The following COPS3 variants were observed in gnomAD, a reference collection of about 807,000 sequenced individuals.
The protein encoded by COPS3 is COP9 signalosome subunit 3.
In COPS3, 10 loss-of-function variants were observed where a neutral mutation model predicts 58.2. The observed-to-expected ratio is 0.17, with a 90% CI of 0.11 to 0.29. The LOEUF (loss-of-function observed/expected upper bound fraction) is 0.29, where lower values mean the gene tolerates loss of function less well. Among genes scored for constraint, COPS3 ranks in the 10% least tolerant of loss-of-function variants. The pLI, the probability that COPS3 is intolerant of heterozygous loss-of-function variation, is 1.00. For synonymous variants in COPS3, 187 were observed against 181.7 expected (o/e 1.03, Z -0.24); for missense variants, 333 against 510.1 (o/e 0.65, Z 3.34).
At chr17:17,255,889 G>C (rs1812275415) in intron 8 of COPS3, among the ~76,000 whole-genome samples, 1 of 105,236 alleles carries the variant, frequency 9.5e-6, no homozygotes. Flanking sequence ...TAACTGATAG[G>C]CTGGGCACGG....
chr17:17,281,192 C>A lies in COPS3; in HGVS notation c.-6G>T, dbSNP rs756425851. 3 of 1,609,432 alleles carry A rather than the reference C, an allele frequency of 1.9e-6. No individual in the cohort carries two copies. Among genetic ancestry groups the A allele is most frequent in the East Asian group, 2.2e-5 (1 of 44,774 alleles). Reference sequence around the variant, plus strand: ...TGCTCCAGGGCAGACGCCATGTTTTCCCCCGGGCGGCCCGAGCGGCGAAGG... The same window carrying A: ...TGCTCCAGGGCAGACGCCATGTTTTACCCCGGGCGGCCCGAGCGGCGAAGG... On this transcript the variant is annotated 5_prime_UTR_variant, in exon 1 of 12. Coordinates refer to ENST00000268717, the MANE Select transcript of COPS3 (RefSeq NM_003653.4).
intron 10 of COPS3, among the ~76,000 whole-genome samples, chr17:17,248,398 C>T (rs1020478562): frequency 5.9e-5 from 9 of 152,190 alleles, no homozygotes; most frequent in African/African-American, 2.2e-4. Flanking sequence ...ACTGTAACAT[C>T]TGCCTCCCAG....
chr17:17,274,426 CTT>C (rs71152859), intron 2 of COPS3, among the ~76,000 whole-genome samples: 12 of 141,456 alleles, frequency 8.5e-5, no homozygotes, highest in Admixed American at 1.4e-4. Flanking sequence ...ATTAGCTTTT[CTT>C]TTTTTTTTTT....
intron 2 of COPS3, among the ~76,000 whole-genome samples, chr17:17,272,234 C>G (rs180791948): frequency 3.0e-3 from 452 of 152,134 alleles, no homozygotes; most frequent in Admixed American, 8.4e-3. Flanking sequence ...ACCAGCCTGA[C>G]CAATCGGGTG....
intron 9 of COPS3, among the ~76,000 whole-genome samples, chr17:17,251,439 C>T (rs764914212): frequency 3.3e-5 from 5 of 151,888 alleles, no homozygotes; most frequent in Non-Finnish European, 5.9e-5. Context: ...GGATTACAGG[C>T]GCCCGCCATC....
chr17:17,262,408 T>A (rs1361486376), intron 6 of COPS3, among the ~76,000 whole-genome samples: 1 of 151,712 alleles, frequency 6.6e-6, no homozygotes, highest in East Asian at 1.9e-4. Flanking sequence ...ACTATAGGAG[T>A]GGGCCACCAT....
At chr17:17,278,366 A>G (rs962418576) in intron 1 of COPS3, among the ~76,000 whole-genome samples, 1 of 152,242 alleles carries the variant, frequency 6.6e-6, no homozygotes, top group African/African-American at 2.4e-5. Context: ...ACAACATAGT[A>G]TAATGCTTAA....
In COPS3 at chr17:17,277,567, G is replaced by A. The variant is rs542894913; in HGVS notation, c.56-1403C>T. On this transcript the variant is annotated intron_variant, in intron 1 of 11. Coordinates refer to ENST00000268717, the MANE Select transcript of COPS3 (RefSeq NM_003653.4). Reference sequence around the variant, plus strand: ...CGAGTAGCTGGAACTACAGGTGTACGTCACCATGCCCATCTTATTTTTTAA... The same window carrying A: ...CGAGTAGCTGGAACTACAGGTGTACATCACCATGCCCATCTTATTTTTTAA... Among the ~76,000 whole-genome samples, 169 of 152,130 alleles carry A rather than the reference G, an allele frequency of 1.1e-3. 1 individual carries two copies. In the Middle Eastern group the frequency reaches 0.014, roughly 12 times the overall value.
In COPS3 at chr17:17,262,074, A is replaced by G. The variant is rs751020203; in HGVS notation, c.654T>C (p.His218=). The G allele has an allele frequency of 4.0e-5, 65 of 1,611,356 alleles. No individual in the cohort carries two copies. The highest frequency in any genetic ancestry group is 1.7e-4 in the Middle Eastern group (1 of 6,058). ...ACTTTTTATATGATTCCAACATGAT[A>G]TGACTGACCGCCATGGCAGGAGTAG... ...AITTPAMAVS[H]IMLESYKKYI... Residue 218 remains histidine, a synonymous_variant, in exon 7 of 12, where the codon CAT becomes CAC. Transcript: ENST00000268717.
At chr17:17,271,912 A>G (rs1001108506) in intron 2 of COPS3, among the ~76,000 whole-genome samples, 4 of 113,936 alleles carry the variant, frequency 3.5e-5, no homozygotes, top group Non-Finnish European at 5.1e-5. Flanking sequence ...AAACATGTAT[A>G]TATTAAACAT....
intron 2 of COPS3, among the ~76,000 whole-genome samples, chr17:17,274,751 G>A (rs539241903): frequency 4.4e-4 from 66 of 148,552 alleles, no homozygotes; most frequent in South Asian, 3.6e-3. Flanking sequence ...CATTTCAATC[G>A]TGCTTTTTTT....
chr17:17,256,196 T>A (rs2047972462), intron 8 of COPS3, among the ~76,000 whole-genome samples: 2 of 151,546 alleles, frequency 1.3e-5, no homozygotes, highest in South Asian at 4.2e-4. Flanking sequence ...AATAAAAAAA[T>A]AAAAACTGAT....
chr17:17,255,056 C>T, intron 8 of COPS3, 111 bp from the exon 9 acceptor site: 1 of 665,434 alleles, frequency 1.5e-6, no homozygotes, highest in African/African-American at 1.9e-5. Flanking sequence ...AATCCCAGCA[C>T]TTTGGGAGGC....
Position 17,260,258 on chromosome 17 carries a change from CA to C in COPS3, c.936+42del, listed in dbSNP as rs767503113. ...GGGAGAGAAAGGGAAACATGGCCCC[CA>C]GGGGGTCAGGAGCTGCCCTGTGAAG... On this transcript the variant is annotated intron_variant, in intron 8 of 11. Transcript: ENST00000268717. The C allele has an allele frequency of 3.3e-5, 53 of 1,592,564 alleles. No individual in the cohort carries two copies. In the African/African-American group the frequency reaches 6.2e-4, roughly 19 times the overall value.
rs1269467800 is a variant in COPS3 at position 17,246,883 on chromosome 17, A to G, written c.*215T>C. On this transcript the variant is annotated 3_prime_UTR_variant, in exon 12 of 12. Transcript: ENST00000268717. ...TGCAGTAACAATAATCTGAGGATAA[A>G]TAAATCCACGACAGACTTTAAAGTT... 4 of 568,304 alleles carry G rather than the reference A, an allele frequency of 7.0e-6. No homozygotes were observed. The highest frequency in any genetic ancestry group is 1.3e-5 in the Non-Finnish European group (4 of 316,738). The allele number at this position is 568,304 out of a possible 1,614,324, so 35.2% of individuals were successfully genotyped here.
intron 9 of COPS3, among the ~76,000 whole-genome samples, chr17:17,252,831 C>G (rs1433927827): frequency 6.6e-6 from 1 of 152,126 alleles, no homozygotes; most frequent in Non-Finnish European, 1.5e-5. Context: ...TTAGCAGACA[C>G]AAGTCATAGA....
intron 9 of COPS3, among the ~76,000 whole-genome samples, chr17:17,250,429 T>C (rs1403070947): frequency 1.3e-5 from 2 of 152,030 alleles, no homozygotes; most frequent in African/African-American, 2.4e-5. Context: ...TAATTTTTTT[T>C]ATTTTTAGTA....
intron 2 of COPS3, among the ~76,000 whole-genome samples, chr17:17,271,520 T>A (rs1010105913): frequency 6.6e-6 from 1 of 151,598 alleles, no homozygotes; most frequent in Non-Finnish European, 1.5e-5. Flanking sequence ...CAAATAAGGG[T>A]TAAGAAAAAT....
intron 9 of COPS3, among the ~76,000 whole-genome samples, chr17:17,252,754 G>T (rs771480521): frequency 2.0e-5 from 3 of 152,176 alleles, no homozygotes; most frequent in African/African-American, 2.4e-5. Flanking sequence ...CCACTGAAGA[G>T]GGAATTTCTT....
Sources: allele counts gnomAD v4.1 joint callset (sites outside exome capture counted in the v4.1 genomes callset), GRCh38; gene constraint gnomAD v4.1.1; transcripts MANE v1.5; gene names NCBI Gene and HGNC (gene_info 2026-07-23, HGNC 2026-07-21).